The following BBS9 variants were observed in gnomAD, a reference collection of about 807,000 sequenced individuals.
BBS9 encodes protein PTHB1.
Under a neutral mutation model 117.7 loss-of-function variants are expected in BBS9, and 89 were observed. The ratio of observed to expected loss-of-function variants is 0.76; its 90% CI spans 0.64 to 0.90. The LOEUF is 0.90. Ranked by LOEUF, BBS9 falls within the 40% of genes least tolerant of loss-of-function variation. The pLI is 0.00. For synonymous variants in BBS9, 379 were observed against 370.9 expected, an observed-to-expected ratio of 1.02 and a Z score of -0.25; for missense variants, 982 against 1,042.2, an observed-to-expected ratio of 0.94 and a Z score of 0.80.
In BBS9 at chr7:33,257,421, A is replaced by T. The variant is rs368891676; in HGVS notation, c.617+11A>T. On this transcript the variant is annotated intron_variant, in intron 6 of 22. Transcript: ENST00000242067. ...AGTGGAAAGTTATAAGTAAGTTTGG[A>T]TGTTAAGTCTTCAGAATCATGATTT... 1.7e-5 allele frequency: 28 copies of T among 1,613,046 alleles called. No individual in the cohort carries two copies. The highest frequency in any genetic ancestry group is 2.4e-5 in the Non-Finnish European group (28 of 1,179,162).
intron 19 of BBS9, among the ~76,000 whole-genome samples, chr7:33,405,858 G>A (rs1829865213): frequency 6.6e-6 from 1 of 151,726 alleles, no homozygotes. Context: ...GTTCTGCTCT[G>A]ATTTTAGTTA....
chr7:33,317,688 G>T (rs1293606589), intron 9 of BBS9, among the ~76,000 whole-genome samples: 5 of 152,066 alleles, frequency 3.3e-5, no homozygotes, highest in Non-Finnish European at 5.9e-5. Flanking sequence ...ATCCAAAGTG[G>T]TCTCTTCACA....
chr7:33,299,047 C>A (rs1207112783), intron 9 of BBS9, among the ~76,000 whole-genome samples: 1 of 152,152 alleles, frequency 6.6e-6, no homozygotes, highest in Non-Finnish European at 1.5e-5. Context: ...CTGTTTAGTG[C>A]TGCCAAATAT....
At chr7:33,585,885 C>T (rs888038411) in intron 21 of BBS9, among the ~76,000 whole-genome samples, 1 of 151,966 alleles carries the variant, frequency 6.6e-6, no homozygotes, top group Non-Finnish European at 1.5e-5. Context: ...GTAGAAAATA[C>T]TCATGACACA....
At chr7:33,153,366 T>C (rs1220430408) in intron 3 of BBS9, among the ~76,000 whole-genome samples, 1 of 152,228 alleles carries the variant, frequency 6.6e-6, no homozygotes, top group Non-Finnish European at 1.5e-5. Context: ...TAATTTATTT[T>C]AGAAAACTGT....
chr7:33,631,791 C>T (rs1255618375), intron 21 of BBS9, among the ~76,000 whole-genome samples: 1 of 152,306 alleles, frequency 6.6e-6, no homozygotes, highest in South Asian at 2.1e-4. Context: ...TCAACCTTGA[C>T]GTGCTCCACA....
chr7:33,520,030 A>G (rs1045091806), intron 20 of BBS9, among the ~76,000 whole-genome samples: 3 of 139,888 alleles, frequency 2.1e-5, no homozygotes, highest in Admixed American at 7.2e-5. Context: ...TTTTTTTTGG[A>G]TGGAGTCTTG....
intron 21 of BBS9, among the ~76,000 whole-genome samples, chr7:33,579,109 A>G (rs563630942): frequency 6.6e-6 from 1 of 152,280 alleles, no homozygotes; most frequent in South Asian, 2.1e-4. Context: ...TGACAACTTG[A>G]AAATCTTAGT....
At chr7:33,542,091 C>CTTTT (rs60822654) in intron 21 of BBS9, among the ~76,000 whole-genome samples, 1 of 148,340 alleles carries the variant, frequency 6.7e-6, no homozygotes, top group African/African-American at 2.5e-5. Flanking sequence ...TGAGTAAGTT[C>CTTTT]TTTTTTTTTT....
chr7:33,365,930 A>G (rs1230110249), intron 16 of BBS9, among the ~76,000 whole-genome samples: 1 of 152,236 alleles, frequency 6.6e-6, no homozygotes, highest in Non-Finnish European at 1.5e-5. Flanking sequence ...CCTTAGCTGT[A>G]GGACCTCGGG....
intron 1 of BBS9, among the ~76,000 whole-genome samples, chr7:33,139,705 G>A (rs1791132111): frequency 6.8e-6 from 1 of 147,054 alleles, no homozygotes; most frequent in African/African-American, 2.4e-5. Context: ...TTAGGCAAAG[G>A]TAAGACCCCC....
chr7:33,617,949 G>A (rs898612325), intron 21 of BBS9, among the ~76,000 whole-genome samples: 1 of 152,162 alleles, frequency 6.6e-6, no homozygotes, highest in Non-Finnish European at 1.5e-5. Context: ...AAATGAAGGG[G>A]AGATAAGGAT....
chr7:33,439,172 A>G (rs796526344), intron 19 of BBS9, among the ~76,000 whole-genome samples: 7 of 152,238 alleles, frequency 4.6e-5, no homozygotes, highest in African/African-American at 1.7e-4. Context: ...GCCAGCTGGG[A>G]AGGACTATCT....
rs559088203 is a variant in BBS9, at chr7:33,350,078, A to C, written c.1432+908A>C. Among the ~76,000 whole-genome samples, 48 of 152,334 alleles carry C rather than the reference A, an allele frequency of 3.2e-4. 1 individual carries two copies. In the South Asian group the frequency reaches 1.0e-2, roughly 32 times the overall value. On this transcript the variant is annotated intron_variant, in intron 13 of 22. Transcript: ENST00000242067. ...TCTTAGTAAGGTTTCTTTGTATAGA[A>C]TCTCTTACTCCCAACCATTTATATC...
intron 5 of BBS9, among the ~76,000 whole-genome samples, chr7:33,204,415 A>AAG (rs1322034252): frequency 4.0e-5 from 6 of 151,556 alleles, no homozygotes; most frequent in African/African-American, 1.5e-4. Flanking sequence ...TCAAAAAAAA[A>AAG]AAAAAAGTTA....
chr7:33,409,017 C>A (rs1584713513), intron 19 of BBS9, among the ~76,000 whole-genome samples: 1 of 152,106 alleles, frequency 6.6e-6, no homozygotes, highest in African/African-American at 2.4e-5. Context: ...CTTTTGAGAA[C>A]TGTCTGTTCA....
At chr7:33,392,250 GTC>G (rs1480922218) in intron 19 of BBS9, among the ~76,000 whole-genome samples, 15 of 152,162 alleles carry the variant, frequency 9.9e-5, no homozygotes, top group Admixed American at 9.2e-4. Flanking sequence ...TTGTTCATGA[GTC>G]TCTGGATTAG....
At chr7:33,188,321 G>T (rs1464058372) in intron 5 of BBS9, among the ~76,000 whole-genome samples, 1 of 151,966 alleles carries the variant, frequency 6.6e-6, no homozygotes, top group African/African-American at 2.4e-5. Flanking sequence ...ATTCCTTCTG[G>T]TATAGTTTGT....
intron 8 of BBS9, 22 bp from the exon 9 acceptor site, chr7:33,273,803 CTT>C: frequency 1.9e-6 from 3 of 1,600,886 alleles, no homozygotes; most frequent in Non-Finnish European, 2.6e-6. Context: ...CTTAGTGTCT[CTT>C]TTCTGTATTT....
Sources: allele counts gnomAD v4.1 joint callset (sites outside exome capture counted in the v4.1 genomes callset), GRCh38; gene constraint gnomAD v4.1.1; transcripts MANE v1.5; gene names NCBI Gene and HGNC (gene_info 2026-07-23, HGNC 2026-07-21).